The following STAT3 variants were observed in gnomAD, a reference collection of about 807,000 sequenced individuals.
STAT3 encodes the protein signal transducer and activator of transcription 3, also known as DNA-binding protein APRF.
In STAT3, 7 loss-of-function variants were observed where a neutral mutation model predicts 114.3. That is an observed-to-expected ratio of 0.06 (90% CI 0.03 to 0.11). The LOEUF (loss-of-function observed/expected upper bound fraction) is 0.11. STAT3 is among the 10% of genes least tolerant of loss of function. The pLI is 1.00. For synonymous variants in STAT3, 331 were observed against 354.5 expected (o/e 0.93, Z 0.74); for missense variants, 364 against 960.9 (o/e 0.38, Z 8.21).
intron 1 of STAT3, chr17:42,387,387 C>A (rs968606247): frequency 6.6e-6 from 1 of 152,158 alleles, no homozygotes; most frequent in African/African-American, 2.4e-5. Flanking sequence ...TCTGCATTTA[C>A]CCAAGATCTT....
chr17:42,329,751 T>G lies in STAT3; in HGVS notation c.1135A>C (p.Arg379=). Reference sequence around the variant, plus strand: ...AAGCCTCTAGGCTGAACTTACCCTCTGAGAGCTGCAACGTCCCCAGAGTCT... The same window carrying G: ...AAGCCTCTAGGCTGAACTTACCCTCGGAGAGCTGCAACGTCCCCAGAGTCT... ...DKDSGDVAAL[R]GSRKFNILGT... is the part of the protein sequence containing the mutation. The change falls in exon 12 of 24, where the codon AGA becomes CGA. Residue 379 remains arginine (R), a synonymous_variant. Transcript: ENST00000264657. 1 of 1,614,248 alleles carries G rather than the reference T, an allele frequency of 6.2e-7. No individual in the cohort carries two copies.
intron 2 of STAT3, among the ~76,000 whole-genome samples, chr17:42,347,498 A>G (rs1193218464): frequency 6.6e-6 from 1 of 152,214 alleles, no homozygotes; most frequent in Non-Finnish European, 1.5e-5. Flanking sequence ...TGAGCATATT[A>G]AAGTGAAGAA....
At chr17:42,344,376 C>A (rs1258225764) in intron 4 of STAT3, among the ~76,000 whole-genome samples, 1 of 138,972 alleles carries the variant, frequency 7.2e-6, no homozygotes, top group East Asian at 2.1e-4. Context: ...GAGCTGAGAT[C>A]ACGCCACTGC....
At chr17:42,316,083 T>C in intron 23 of STAT3, 1 of 1,372,534 alleles carries the variant, frequency 7.3e-7, no homozygotes, top group Admixed American at 3.1e-5. Context: ...ATCTACTGTT[T>C]AATTCAGGAG....
chr17:42,323,970 G>A (rs1365648200), intron 17 of STAT3, among the ~76,000 whole-genome samples: 1 of 152,180 alleles, frequency 6.6e-6, no homozygotes, highest in Non-Finnish European at 1.5e-5. Context: ...AGCTTTATTA[G>A]AACAAAGCTA....
At chr17:42,316,382 T>C (rs1314483300) in intron 23 of STAT3, 1 of 367,790 alleles carries the variant, frequency 2.7e-6, no homozygotes, top group Non-Finnish European at 5.2e-6. Context: ...ATTACAGGTA[T>C]GCGCCACCAT....
chr17:42,354,498 G>C (rs2083131643), intron 1 of STAT3, among the ~76,000 whole-genome samples: 1 of 151,136 alleles, frequency 6.6e-6, no homozygotes, highest in Non-Finnish European at 1.5e-5. Context: ...AAACCAGCTA[G>C]TAGTTTTTTC....
chr17:42,376,216 T>C (rs1319152414), intron 1 of STAT3, among the ~76,000 whole-genome samples: 1 of 151,670 alleles, frequency 6.6e-6, no homozygotes, highest in African/African-American at 2.4e-5. Flanking sequence ...TTCTCAAAAA[T>C]GAAAGAAGGG....
intron 22 of STAT3, 39 bp from the exon 23 acceptor site, chr17:42,316,940 GT>G (rs1266061843): frequency 1.3e-6 from 2 of 1,592,954 alleles, no homozygotes; most frequent in African/African-American, 1.4e-5. Flanking sequence ...GAAACGGGGG[GT>G]TGACAAGACA....
rs183930917 is a variant in STAT3 at position 42,370,978 on chromosome 17, C to T, written c.-24+17301G>A. ...CAAAAGAGTTTTCAGGGCATTTAGC[C>T]TAACATAAAGCAGAAACAAAAGTCA... is the stretch of plus-strand genomic sequence containing the variant. On this transcript the variant is annotated intron_variant, in intron 1 of 23. Transcript: ENST00000264657. Among the ~76,000 whole-genome samples the T allele has an allele frequency of 2.3e-3, 351 of 152,164 alleles. 1 individual carries two copies. The highest frequency in any genetic ancestry group is 4.3e-3 in the Admixed American group (65 of 15,258).
chr17:42,382,868 G>A (rs956106142), intron 1 of STAT3, among the ~76,000 whole-genome samples: 1 of 151,634 alleles, frequency 6.6e-6, no homozygotes. Context: ...GGATGGTCTC[G>A]ATCTCCTGAC....
At chr17:42,388,235 G>T in intron 1 of STAT3, 44 bp downstream of exon 1, 2 of 1,231,732 alleles carry the variant, frequency 1.6e-6, no homozygotes, top group East Asian at 3.2e-5. Flanking sequence ...GGAGCCCCCG[G>T]GTCCCCAGGC....
At chr17:42,362,263 AG>A (rs2083549640) in intron 1 of STAT3, among the ~76,000 whole-genome samples, 1 of 152,242 alleles carries the variant, frequency 6.6e-6, no homozygotes, top group Admixed American at 6.5e-5. Flanking sequence ...TTAACCAAAA[AG>A]GGTTCAGGGT....
At chr17:42,345,837 G>A (rs995098996) in intron 3 of STAT3, among the ~76,000 whole-genome samples, 180 bp from the exon 4 acceptor site, 3 of 150,046 alleles carry the variant, frequency 2.0e-5, no homozygotes, top group African/African-American at 4.9e-5. Flanking sequence ...AGGGGAGGTC[G>A]TTACTATTTC....
intron 4 of STAT3, among the ~76,000 whole-genome samples, chr17:42,342,239 T>C (rs1221394193): frequency 6.6e-6 from 1 of 152,004 alleles, no homozygotes; most frequent in Non-Finnish European, 1.5e-5. Context: ...TCCCAGCACT[T>C]TGGGAGGCCG....
intron 1 of STAT3, among the ~76,000 whole-genome samples, chr17:42,385,693 C>T (rs2085065549): frequency 6.6e-6 from 1 of 152,014 alleles, no homozygotes; most frequent in Admixed American, 6.6e-5. Flanking sequence ...ACAGAAATGA[C>T]CACTGATCAA....
At chr17:42,358,933 C>CTTTTTTT (rs35099574) in intron 1 of STAT3, among the ~76,000 whole-genome samples, 23,074 of 99,302 alleles carry the variant, frequency 0.23, 3,585 homozygotes, top group South Asian at 0.31. Flanking sequence ...ACATTTCTTA[C>CTTTTTTT]TTTTTTTTTT....
At chr17:42,368,683 T>G (rs1231860276) in intron 1 of STAT3, among the ~76,000 whole-genome samples, 1 of 151,030 alleles carries the variant, frequency 6.6e-6, no homozygotes, top group Non-Finnish European at 1.5e-5. Flanking sequence ...TGGTCTCGAA[T>G]TCCTGGCCTC....
intron 1 of STAT3, among the ~76,000 whole-genome samples, chr17:42,373,617 C>A (rs999572709): frequency 9.9e-5 from 15 of 151,764 alleles, no homozygotes; most frequent in African/African-American, 3.6e-4. Context: ...GAGCCGGGCG[C>A]GGTGGCTCAC....
Sources: allele counts gnomAD v4.1 joint callset (sites outside exome capture counted in the v4.1 genomes callset), GRCh38; gene constraint gnomAD v4.1.1; transcripts MANE v1.5; gene names NCBI Gene and HGNC (gene_info 2026-07-23, HGNC 2026-07-21).